The following MDGA2 variants were observed in gnomAD, a reference collection of about 807,000 sequenced individuals.
The protein encoded by MDGA2 is MAM domain containing glycosylphosphatidylinositol anchor 2, also known as MAM domain-containing glycosylphosphatidylinositol anchor protein 2.
In MDGA2, 40 loss-of-function variants were observed where a neutral mutation model predicts 117.8. The observed-to-expected ratio is 0.34, with a 90% CI of 0.26 to 0.44. The LOEUF is 0.44. Among genes scored for constraint, MDGA2 ranks in the 20% least tolerant of loss-of-function variants. MDGA2 has a pLI of 1.00. For synonymous variants in MDGA2, 452 were observed against 439.0 expected (o/e 1.03, Z -0.37); for missense variants, 1,123 against 1,250.6 (o/e 0.90, Z 1.54).
At chr14:47,352,799 G>T (rs1328774949) in intron 1 of MDGA2, among the ~76,000 whole-genome samples, 3 of 152,072 alleles carry the variant, frequency 2.0e-5, no homozygotes, top group Non-Finnish European at 4.4e-5. Flanking sequence ...TTGAGGAGGG[G>T]ACATGCTTTA....
rs188044361 is a variant in MDGA2, at chr14:47,401,312, G to A, written c.281-99762C>T. On this transcript the variant is annotated intron_variant, in intron 1 of 16. Transcript: ENST00000399232. ...CAGTAAAAGTGTCTTTAGGGAAGAT[G>A]ACAGGAAAATGTATAATTAAAAAAG... 1.2e-3 allele frequency among the ~76,000 whole-genome samples: 182 copies of A among 152,240 alleles called. 1 individual carries two copies. Among genetic ancestry groups the A allele is most frequent in the Admixed American group, 3.5e-3 (53 of 15,302 alleles).
At chr14:46,852,635 T>C (rs1382761431) in intron 15 of MDGA2, among the ~76,000 whole-genome samples, 2 of 151,792 alleles carry the variant, frequency 1.3e-5, no homozygotes, top group Non-Finnish European at 2.9e-5. Context: ...GAGTTAATAG[T>C]GCCCAGCATT....
chr14:47,609,465 A>ATATATATAGATATAT (rs1555336021), intron 1 of MDGA2, among the ~76,000 whole-genome samples: 1 of 107,376 alleles, frequency 9.3e-6, no homozygotes, highest in Non-Finnish European at 1.9e-5. Context: ...ATATATATAT[A>ATATATATAGATATAT]AGTTTCTTTA....
At chr14:47,076,900 G>T (rs1305350004) in intron 6 of MDGA2, among the ~76,000 whole-genome samples, 1 of 151,980 alleles carries the variant, frequency 6.6e-6, no homozygotes. Flanking sequence ...TGAAATTTAT[G>T]TGACCTGGAA....
chr14:47,270,807 C>G (rs530525469), intron 2 of MDGA2, among the ~76,000 whole-genome samples: 1 of 152,158 alleles, frequency 6.6e-6, no homozygotes, highest in African/African-American at 2.4e-5. Flanking sequence ...CGTGAGCACA[C>G]ATGTGAATAT....
chr14:47,511,608 T>C (rs1017854829), intron 1 of MDGA2, among the ~76,000 whole-genome samples: 19 of 152,210 alleles, frequency 1.2e-4, no homozygotes, highest in African/African-American at 4.1e-4. Context: ...CTTTTCCTAT[T>C]GTTTCAATTC....
At chr14:47,357,216 C>G (rs559300848) in intron 1 of MDGA2, among the ~76,000 whole-genome samples, 6 of 152,160 alleles carry the variant, frequency 3.9e-5, no homozygotes, top group Non-Finnish European at 7.3e-5. Flanking sequence ...TAGTCCATAA[C>G]GAAACCAACC....
intron 2 of MDGA2, among the ~76,000 whole-genome samples, chr14:47,287,976 A>C (rs72682108): frequency 0.091 from 13,850 of 152,192 alleles, 780 homozygotes; most frequent in Non-Finnish European, 0.11. Context: ...GGAAGAGGCA[A>C]GGAAGGATTC....
chr14:47,305,479 G>T lies in MDGA2; in HGVS notation c.281-3929C>A, dbSNP rs1262626641. 2.6e-5 allele frequency among the ~76,000 whole-genome samples: 4 copies of T among 152,174 alleles called. No homozygotes were observed. In the East Asian group the frequency reaches 7.7e-4, roughly 29 times the overall value. On this transcript the variant is annotated intron_variant, in intron 1 of 16. Coordinates refer to ENST00000399232, the MANE Select transcript of MDGA2 (RefSeq NM_001113498.3). ...TCCGAGGACATTTTGGCTTTGGGTT[G>T]AAGAGGTCAGCCTAAAAGGGCAAAA... is the stretch of plus-strand genomic sequence containing the variant.
intron 2 of MDGA2, among the ~76,000 whole-genome samples, chr14:47,230,682 C>A (rs1162738094): frequency 6.6e-6 from 1 of 151,888 alleles, no homozygotes; most frequent in African/African-American, 2.4e-5. Context: ...GGGTACCTTG[C>A]AACACTTGGA....
chr14:47,209,109 C>G (rs1189998197), intron 3 of MDGA2, among the ~76,000 whole-genome samples: 1 of 152,078 alleles, frequency 6.6e-6, no homozygotes, highest in Non-Finnish European at 1.5e-5. Flanking sequence ...TCATGCATCA[C>G]TTTTCCCTTA....
At chr14:46,998,639 A>G (rs554589712) in intron 8 of MDGA2, among the ~76,000 whole-genome samples, 120 of 152,126 alleles carry the variant, frequency 7.9e-4, no homozygotes, top group Non-Finnish European at 1.4e-3. Context: ...TAGTATAGCT[A>G]TTCTTTGCAA....
intron 1 of MDGA2, among the ~76,000 whole-genome samples, chr14:47,663,604 C>T (rs1897889962): frequency 6.6e-6 from 1 of 152,146 alleles, no homozygotes; most frequent in South Asian, 2.1e-4. Flanking sequence ...TGAGCAAAGT[C>T]CCACTCAGTC....
At chr14:47,104,769 C>T (rs1181344926) in intron 5 of MDGA2, among the ~76,000 whole-genome samples, 3 of 152,126 alleles carry the variant, frequency 2.0e-5, no homozygotes, top group Admixed American at 6.5e-5. Flanking sequence ...GATCCACCTA[C>T]GACCTCAGGT....
intron 2 of MDGA2, among the ~76,000 whole-genome samples, chr14:47,233,725 C>T (rs1257828426): frequency 6.6e-6 from 1 of 152,080 alleles, no homozygotes; most frequent in African/African-American, 2.4e-5. Context: ...AGAAACCATG[C>T]TATGTGGTTA....
At chr14:47,289,570 C>G (rs1476661891) in intron 2 of MDGA2, among the ~76,000 whole-genome samples, 3 of 151,712 alleles carry the variant, frequency 2.0e-5, no homozygotes, top group Non-Finnish European at 4.4e-5. Flanking sequence ...ATACAAAATC[C>G]AATTCATCGA....
At chr14:46,906,062 T>C (rs1429919177) in intron 10 of MDGA2, among the ~76,000 whole-genome samples, 1 of 152,008 alleles carries the variant, frequency 6.6e-6, no homozygotes, top group Non-Finnish European at 1.5e-5. Context: ...ACTAATAGCA[T>C]ATAATTAGTA....
At chr14:47,222,160 C>G (rs902099033) in intron 2 of MDGA2, among the ~76,000 whole-genome samples, 1 of 151,794 alleles carries the variant, frequency 6.6e-6, no homozygotes, top group Non-Finnish European at 1.5e-5. Context: ...AGCTTGCGTA[C>G]AGTTAACATC....
chr14:46,872,005 C>A (rs979391226), intron 14 of MDGA2: 2 of 211,824 alleles, frequency 9.4e-6, no homozygotes, highest in Non-Finnish European at 2.1e-5. Context: ...TAAAACAAAA[C>A]AAAAAAACCC....
Sources: gnomAD v4.1 joint callset for allele counts (sites outside exome capture counted in the v4.1 genomes callset) on GRCh38, gnomAD v4.1.1 for gene constraint, MANE v1.5 for transcripts, NCBI Gene and HGNC (gene_info 2026-07-23, HGNC 2026-07-21) for gene names.